The following MYH3 variants were observed in gnomAD, a reference collection of about 807,000 sequenced individuals.
MYH3 encodes myosin-3.
MYH3 carries 130 observed loss-of-function variants against 238.0 expected under a neutral mutation model. The ratio of observed to expected loss-of-function variants is 0.55; its 90% CI spans 0.47 to 0.63. The LOEUF is 0.63. Among genes scored for constraint, MYH3 ranks in the 30% least tolerant of loss-of-function variants. The pLI, the probability that MYH3 is intolerant of heterozygous loss-of-function variation, is 0.00. For missense variants in MYH3, 1,853 were observed against 2,374.9 expected, an observed-to-expected ratio of 0.78 and a Z score of 4.57; for synonymous variants, 880 against 924.1, an observed-to-expected ratio of 0.95 and a Z score of 0.86.
At chr17:10,660,149 T>C (rs1339575995), upstream of MYH3, among the ~76,000 whole-genome samples, 1 of 152,218 alleles carries the variant, frequency 6.6e-6, no homozygotes, top group Non-Finnish European at 1.5e-5. Flanking sequence ...GGGGGTGACA[T>C]ACCTGCCTCC....
Position 10,638,135 on chromosome 17 carries a change from GC to G in MYH3, c.3636del (p.Gln1212HisfsTer46), listed in dbSNP as rs1208522930. The G allele has an allele frequency of 6.2e-7, 1 of 1,613,450 alleles. No individual in the cohort carries two copies. The highest frequency in any genetic ancestry group is 8.5e-7 in the Non-Finnish European group (1 of 1,179,948). ...TCCTTCTCCAGCTTCTGCTTGACCC[GC>G]TGCAGGTTGTCAATCTGCTCCCCAA... ...AELGEQIDNL[Q>X]RVKQKLEKEK... On this transcript the variant is annotated frameshift_variant, in exon 27 of 41. Coordinates refer to ENST00000583535, the MANE Select transcript of MYH3 (RefSeq NM_002470.4). LOFTEE classifies it high-confidence loss of function.
the MYH3 span, among the ~76,000 whole-genome samples, chr17:10,665,933 G>C: frequency 5.9e-5 from 9 of 152,196 alleles, no homozygotes; most frequent in South Asian, 1.2e-3. Context: ...ACAGCATAGA[G>C]AGTCCAGAAG....
upstream of MYH3, chr17:10,657,396 T>G (rs1259776412): frequency 6.6e-6 from 1 of 152,236 alleles, no homozygotes; most frequent in Non-Finnish European, 1.5e-5. Flanking sequence ...AGAGGATGAG[T>G]GGCCCCCCCA....
chr17:10,649,818 AC>A, intron 6 of MYH3, 133 bp from the exon 7 acceptor site: 1 of 829,888 alleles, frequency 1.2e-6, no homozygotes, highest in Non-Finnish European at 2.0e-6. Flanking sequence ...AATGTGACAG[AC>A]CACTTGAGAA....
At position 10,640,440 on chromosome 17, in the gene MYH3, G is replaced by C; in HGVS notation, c.2319C>G (p.Thr773=). 1.2e-6 allele frequency: 2 copies of C among 1,614,186 alleles called. No homozygotes were observed. The highest frequency in any genetic ancestry group is 1.7e-6 in the Non-Finnish European group (2 of 1,180,038). ...KVFFKAGLLG[T]LEEMRDDRLA... is the part of the protein sequence containing the mutation. ...GGCGGTCATCCCGCATCTCTTCCAG[G>C]GTTCCCAGCAAGCCAGCCTTGAAGA... is the stretch of plus-strand genomic sequence containing the variant. Residue 773 remains threonine (T), a synonymous_variant, in exon 21 of 41, where the codon ACC becomes ACG. Coordinates refer to ENST00000583535, the MANE Select transcript of MYH3 (RefSeq NM_002470.4).
At chr17:10,643,975 C>T (rs928937157) in intron 14 of MYH3, among the ~76,000 whole-genome samples, 1 of 151,940 alleles carries the variant, frequency 6.6e-6, no homozygotes, top group Non-Finnish European at 1.5e-5. Flanking sequence ...GCCTAGCCAA[C>T]ATGGTGAAAC....
intron 40 of MYH3, 70 bp downstream of exon 40, chr17:10,629,527 C>T: frequency 6.3e-7 from 1 of 1,599,392 alleles, no homozygotes; most frequent in Non-Finnish European, 8.5e-7. Flanking sequence ...AAAGGGTTCT[C>T]TGAGGTTCCT....
the MYH3 span, among the ~76,000 whole-genome samples, chr17:10,669,642 G>A: frequency 2.0e-5 from 3 of 151,860 alleles, no homozygotes; most frequent in Admixed American, 6.6e-5. Context: ...GGTGGCTTGC[G>A]CCTGTAATCC....
Position 10,647,428 on chromosome 17 carries a change from T to C in MYH3, c.736-2A>G, listed in dbSNP as rs990374215. 3 of 1,614,018 alleles carry C rather than the reference T, an allele frequency of 1.9e-6. No individual in the cohort carries two copies. Among genetic ancestry groups the C allele is most frequent in the South Asian group, 1.1e-5 (1 of 91,092 alleles). On this transcript the variant is annotated splice_acceptor_variant, in intron 8 of 40. Transcript: ENST00000583535. LOFTEE classifies it high-confidence loss of function. ...AAAATGGATTCGGATGAACTTGCCC[T>C]GTATGGGGCGGGATTCAGGGGGAGA... is the stretch of plus-strand genomic sequence containing the variant.
Position 10,637,819 on chromosome 17 carries a change from C to A in MYH3, c.3846G>T (p.Gln1282His), listed in dbSNP as rs766082880. Reference protein sequence around the residue: ...SELTTQKSRLQTEAGELSRQL... With the variant: ...SELTTQKSRLHTEAGELSRQL... The stretch of plus-strand genomic sequence containing the variant: ...CTGCACGTGGCTTACCAGCCTCGGT[C>A]TGCAAACGAGACTTCTGTGTGGTCA... The change falls in exon 28 of 41, where the codon CAG (glutamine) becomes CAT (histidine). Residue 1282 changes from glutamine to histidine, a missense_variant. Physicochemically the swap from Gln to His is conservative, Grantham distance 24 (BLOSUM62 0). Coordinates refer to ENST00000583535, the MANE Select transcript of MYH3 (RefSeq NM_002470.4). 1.2e-5 allele frequency: 19 copies of A among 1,614,018 alleles called. No homozygotes were observed. Among genetic ancestry groups the A allele is most frequent in the Non-Finnish European group, 1.4e-5 (17 of 1,180,062 alleles).
chr17:10,641,377 GA>G lies in MYH3; in HGVS notation c.1960-6del. On this transcript the variant is annotated splice_region_variant and splice_polypyrimidine_tract_variant and intron_variant, in intron 17 of 40. Coordinates refer to ENST00000583535, the MANE Select transcript of MYH3 (RefSeq NM_002470.4). ...CATCAGCTTGTTCAGGTTTTCCTAA[GA>G]GAAAAAAAAAATGACATTTGCCATC... 6.6e-7 allele frequency: 1 copy of G among 1,524,288 alleles called. No homozygotes were observed. The highest frequency in any genetic ancestry group is 8.9e-7 in the Non-Finnish European group (1 of 1,123,912). The allele number at this position is 1,524,288 out of a possible 1,614,324, so 94.4% of individuals were successfully genotyped here.
rs1597490492 is a variant in MYH3 at position 10,647,527 on chromosome 17, A to G, written c.736-101T>C. On this transcript the variant is annotated intron_variant, in intron 8 of 40. Coordinates refer to ENST00000583535, the MANE Select transcript of MYH3 (RefSeq NM_002470.4). Reference sequence around the variant, plus strand: ...TGAGTAGGAGCCTAGTCCCCCTAAAATTTTTGTTTTGTTTTGTTTTGTTTT... The same window carrying G: ...TGAGTAGGAGCCTAGTCCCCCTAAAGTTTTTGTTTTGTTTTGTTTTGTTTT... 10 of 1,306,914 alleles carry G rather than the reference A, an allele frequency of 7.7e-6. No homozygotes were observed. In the South Asian group the frequency reaches 8.6e-5, roughly 11 times the overall value. The allele number at this position is 1,306,914 out of a possible 1,614,324, so 81.0% of individuals were successfully genotyped here.
intron 14 of MYH3, among the ~76,000 whole-genome samples, chr17:10,643,726 G>A (rs1027618546): frequency 5.9e-5 from 9 of 152,226 alleles, no homozygotes; most frequent in Admixed American, 5.2e-4. Flanking sequence ...AGAAAATAGT[G>A]CGTGATTAAC....
chr17:10,630,375 C>T lies in MYH3; in HGVS notation c.5370G>A (p.Thr1790=), dbSNP rs762362343. 72 of 1,614,068 alleles carry T rather than the reference C, an allele frequency of 4.5e-5. No homozygotes were observed. Among genetic ancestry groups the T allele is most frequent in the South Asian group, 8.8e-5 (8 of 91,080 alleles). ...CTAGACGATGCTGCAGGTCCTTCAC[C>T]GTCTGTTCCAGGTTCTTCTTCATCC... ...LERMKKNLEQ[T]VKDLQHRLDE... Residue 1790 remains threonine (T), a synonymous_variant, in exon 37 of 41, where the codon ACG becomes ACA. Transcript: ENST00000583535.
intron 5 of MYH3, 23 bp downstream of exon 5, chr17:10,651,489 A>G: frequency 6.2e-7 from 1 of 1,612,770 alleles, no homozygotes; most frequent in South Asian, 1.1e-5. Context: ...CCAGCATCCC[A>G]TGCTTCCTCC....
chr17:10,661,347 A>G (rs181452958), upstream of MYH3, among the ~76,000 whole-genome samples: 771 of 151,212 alleles, frequency 5.1e-3, 12 homozygotes, highest in African/African-American at 0.018. Flanking sequence ...ATCTTAAAGA[A>G]GAGAGTCTCT....
In MYH3 at chr17:10,631,842, T is replaced by TG; in HGVS notation, c.5130dup (p.Asn1711GlnfsTer31). 1 of 1,614,162 alleles carries TG rather than the reference T, an allele frequency of 6.2e-7. No homozygotes were observed. Among genetic ancestry groups the TG allele is most frequent in the Non-Finnish European group, 8.5e-7 (1 of 1,180,020 alleles). On this transcript the variant is annotated frameshift_variant, in exon 35 of 41. Coordinates refer to ENST00000583535, the MANE Select transcript of MYH3 (RefSeq NM_002470.4). LOFTEE classifies it high-confidence loss of function. ...GTATGCAGCAGCTGCACCCTCTCGT[T>TG]GGAGTCCAGGAGCTCCTGTTCCGCC...
At position 10,632,616 on chromosome 17, in the gene MYH3, C is replaced by A. The variant is rs769427779; in HGVS notation, c.4816G>T (p.Val1606Leu). Reference protein sequence around the residue: ...ETMQSALDAEVRSRNEAIRLK... With the variant: ...ETMQSALDAELRSRNEAIRLK... Reference sequence around the variant, plus strand: ...CGGATGGCTTCATTCCTGCTCCGCACCTCGGCGTCCAGGGCGCTCTGCATG... The same window carrying A: ...CGGATGGCTTCATTCCTGCTCCGCAACTCGGCGTCCAGGGCGCTCTGCATG... Residue 1606 changes from valine to leucine, a missense_variant, in exon 34 of 41, where the codon GTG becomes TTG. Physicochemically the swap from Val to Leu is conservative, Grantham distance 32. This residue lies in a region of MYH3 where 1,044 missense variants were observed against 1,192.6 expected (regional missense o/e 0.88). Coordinates refer to ENST00000583535, the MANE Select transcript of MYH3 (RefSeq NM_002470.4). 1 of 1,614,166 alleles carries A rather than the reference C, an allele frequency of 6.2e-7. No homozygotes were observed. The highest frequency in any genetic ancestry group is 1.6e-4 in the Middle Eastern group (1 of 6,062).
At position 10,630,125 on chromosome 17, in the gene MYH3, C is replaced by G; in HGVS notation, c.5529G>C (p.Lys1843Asn). The G allele has an allele frequency of 1.2e-6, 2 of 1,614,232 alleles. No individual in the cohort carries two copies. The highest frequency in any genetic ancestry group is 1.7e-6 in the Non-Finnish European group (2 of 1,180,046). Reference sequence around the variant, plus strand: ...TCAGCTCCTTGACCCTCCGCTCATACTTCCTCAGGCCCTTAACAGACTCTG... The same window carrying G: ...TCAGCTCCTTGACCCTCCGCTCATAGTTCCTCAGGCCCTTAACAGACTCTG... ...KNTESVKGLR[K>N]YERRVKELTY... The change falls in exon 38 of 41, where the codon AAG becomes AAC. Residue 1843 changes from lysine to asparagine, a missense_variant. Physicochemically the swap from Lys to Asn is moderately conservative, Grantham distance 94. Coordinates refer to ENST00000583535, the MANE Select transcript of MYH3 (RefSeq NM_002470.4).
Sources: allele counts gnomAD v4.1 joint callset (sites outside exome capture counted in the v4.1 genomes callset), GRCh38; gene constraint gnomAD v4.1.1; regional missense constraint gnomAD v4.1.1; transcripts MANE v1.5; gene names NCBI Gene and HGNC (gene_info 2026-07-23, HGNC 2026-07-21).